Variants in SRCAP observed in about 807,000 individuals in gnomAD.
The protein encoded by SRCAP is chromatin remodeling protein SRCAP.
A neutral mutation model predicts 263.1 loss-of-function variants in SRCAP; 46 were observed. That is an observed-to-expected ratio of 0.17 (90% CI 0.14 to 0.22). SRCAP has a LOEUF of 0.22. SRCAP is among the 10% of genes least tolerant of loss of function. The pLI is 1.00. For synonymous variants in SRCAP, 1,813 were observed against 1,662.1 expected, an observed-to-expected ratio of 1.09 and a Z score of -2.21; for missense variants, 3,695 against 4,181.9, an observed-to-expected ratio of 0.88 and a Z score of 3.21.
Position 30,721,207 on chromosome 16 carries a change from G to T in SRCAP, c.3272G>T (p.Gly1091Val), listed in dbSNP as rs1158705534. 6.2e-7 allele frequency: 1 copy of T among 1,611,046 alleles called. No homozygotes were observed. Among genetic ancestry groups the T allele is most frequent in the African/African-American group, 1.3e-5 (1 of 74,984 alleles). ...SLPQVLPSPL[G>V]VLSGTSRPPT... ...TCTGCAGTGTTGCCATCCCCCCTGG[G>T]GGTCCTGAGTGGGACCTCACGGCCT... Residue 1091 changes from glycine (G) to valine (V), a missense_variant, in exon 21 of 34, where the codon GGG becomes GTG. By Grantham distance (109) the Gly-to-Val change is moderately radical (BLOSUM62 -3). Around this residue, in one of 12 missense-constraint regions of SRCAP, gnomAD observed 1,347 missense variants for 1,304.4 expected, o/e 1.03. Transcript: ENST00000262518.
At chr16:30,720,040 G>A (rs2052994678) in intron 18 of SRCAP, 122 bp from the exon 19 acceptor site, 1 of 1,057,944 alleles carries the variant, frequency 9.5e-7, no homozygotes, top group South Asian at 1.5e-5. Flanking sequence ...GTGAGTACAT[G>A]TGGTATTTGG....
rs1322833131 is a variant in SRCAP at position 30,724,491 on chromosome 16, C to G, written c.5067C>G (p.Pro1689=). Residue 1689 remains proline, a synonymous_variant, in exon 25 of 34, where the codon CCC becomes CCG. Transcript: ENST00000262518. The part of the protein sequence containing the change: ...QTLALAPALA[P]TLGGSSPSQT... ...TGGCCCTAGCCCCAGCTTTAGCACCCACTCTTGGAGGCTCATCTCCATCTC... is the reference window on the plus strand; with the variant it reads ...TGGCCCTAGCCCCAGCTTTAGCACCGACTCTTGGAGGCTCATCTCCATCTC... The G allele has an allele frequency of 1.9e-6, 3 of 1,614,146 alleles. No homozygotes were observed. The South Asian group carries it at 3.3e-5, about 18-fold the overall frequency.
intron 31 of SRCAP, among the ~76,000 whole-genome samples, chr16:30,734,874 G>A (rs922195872): frequency 1.3e-5 from 2 of 152,046 alleles, no homozygotes; most frequent in African/African-American, 4.8e-5. Context: ...AGTTACAATC[G>A]TCACTCTTCT....
intron 25 of SRCAP, among the ~76,000 whole-genome samples, chr16:30,727,713 A>G (rs1000393450): frequency 6.6e-6 from 1 of 152,110 alleles, no homozygotes; most frequent in Non-Finnish European, 1.5e-5. Flanking sequence ...CACCACGCCC[A>G]GCTAACTTTT....
Position 30,711,567 on chromosome 16 carries a change from C to T in SRCAP, c.1319-4C>T. ...CAACCAAAAGCTTTTTGTTTCTCTT[C>T]CAGGTGAGCTTTCCATGGAGGAGCT... On this transcript the variant is annotated splice_polypyrimidine_tract_variant and splice_region_variant and intron_variant, in intron 10 of 33. Transcript: ENST00000262518. 1 of 1,579,902 alleles carries T rather than the reference C, an allele frequency of 6.3e-7. No individual in the cohort carries two copies.
intron 4 of SRCAP, 45 bp downstream of exon 4, chr16:30,704,360 C>T (rs577821859): frequency 3.5e-5 from 54 of 1,535,860 alleles, no homozygotes; most frequent in East Asian, 1.4e-4. Flanking sequence ...AGTTATCTTC[C>T]GTAAACTCCC....
chr16:30,730,867 A>G (rs2053108196), intron 27 of SRCAP, among the ~76,000 whole-genome samples: 1 of 151,370 alleles, frequency 6.6e-6, no homozygotes, highest in Non-Finnish European at 1.5e-5. Flanking sequence ...ACAGGGTTTC[A>G]CCATGTTGGC....
chr16:30,723,593 C>T lies in SRCAP; in HGVS notation c.4169C>T (p.Pro1390Leu), dbSNP rs1287163628. ...TCCTCTCTCTCCACAGCTTCAGCCCCCGGAGCTGCCCCCTTGACCATCTCT... is the reference window on the plus strand; with the variant it reads ...TCCTCTCTCTCCACAGCTTCAGCCCTCGGAGCTGCCCCCTTGACCATCTCT... Reference protein sequence around the residue: ...SPSPEVSASAPGAAPLTISSP... With the variant: ...SPSPEVSASALGAAPLTISSP... The change falls in exon 25 of 34, where the codon CCC becomes CTC. Residue 1390 changes from proline to leucine, a missense_variant. Pro to Leu is a moderately conservative substitution (Grantham distance 98). Around this residue, in one of 12 missense-constraint regions of SRCAP, gnomAD observed 1,347 missense variants for 1,304.4 expected, o/e 1.03. Transcript: ENST00000262518. 20 of 1,612,426 alleles carry T rather than the reference C, an allele frequency of 1.2e-5. No individual in the cohort carries two copies. The highest frequency in any genetic ancestry group is 1.4e-5 in the Non-Finnish European group (17 of 1,179,174).
Position 30,722,723 on chromosome 16 carries a change from C to G in SRCAP, c.3867C>G (p.Leu1289=). 6.2e-7 allele frequency: 1 copy of G among 1,612,754 alleles called. No homozygotes were observed. The highest frequency in any genetic ancestry group is 8.5e-7 in the Non-Finnish European group (1 of 1,179,164). ...TPSTTPAPTG[L]SLPLAANQVP... is the part of the protein sequence containing the mutation. ...GCACCACCCCTGCCCCTACTGGCCT[C>G]AGCCTTCCGCTTGCTGCTAACCAGG... The change falls in exon 23 of 34, where the codon CTC becomes CTG. Residue 1289 remains leucine, a synonymous_variant. Transcript: ENST00000262518.
chr16:30,734,589 A>G lies in SRCAP; in HGVS notation c.6703A>G (p.Ser2235Gly). Residue 2235 changes from serine (S) to glycine (G), a missense_variant, in exon 31 of 34, where the codon AGC becomes GGC. Around this residue, in one of 12 missense-constraint regions of SRCAP, gnomAD observed 53 missense variants for 45.6 expected, o/e 1.16. Transcript: ENST00000262518. ...TGAAGAGGAGGAAGAGACTGTGGCC[A>G]GCAAGCAGACTCATATTCTGGAGCA... ...APEEEEETVA[S>G]KQTHILEQAL... is the part of the protein sequence containing the mutation. The G allele has an allele frequency of 6.2e-7, 1 of 1,614,164 alleles. No individual in the cohort carries two copies. Among genetic ancestry groups the G allele is most frequent in the Non-Finnish European group, 8.5e-7 (1 of 1,180,026 alleles).
chr16:30,711,840 G>C lies in SRCAP; in HGVS notation c.1498G>C (p.Val500Leu). Residue 500 changes from valine to leucine, a missense_variant, in exon 12 of 34, where the codon GTG (valine) becomes CTG (leucine). This residue lies in a region of SRCAP where 288 missense variants were observed against 302.4 expected (regional missense o/e 0.95). Transcript: ENST00000262518. ...QEDSSSQSDS[V>L]EDRSEDEEDE... Reference sequence around the variant, plus strand: ...GCCTTGGTCTTACCCTTTAGACTCTGTGGAGGACCGGAGTGAGGATGAGGA... The same window carrying C: ...GCCTTGGTCTTACCCTTTAGACTCTCTGGAGGACCGGAGTGAGGATGAGGA... 3 of 1,613,912 alleles carry C rather than the reference G, an allele frequency of 1.9e-6. No homozygotes were observed. Among genetic ancestry groups the C allele is most frequent in the Non-Finnish European group, 2.5e-6 (3 of 1,179,966 alleles).
At position 30,707,245 on chromosome 16, in the gene SRCAP, G is replaced by A. The variant is rs1419841987; in HGVS notation, c.369G>A (p.Arg123=). The change falls in exon 5 of 34, where the codon AGG becomes AGA. Residue 123 remains arginine (R), a synonymous_variant. Transcript: ENST00000262518. The stretch of plus-strand genomic sequence containing the variant: ...AGGAGGGTTTCTGGTCACTGAAGAG[G>A]CTGCCTAAGGTGCCAGAGCCCCCTC... ...LRKEGFWSLK[R]LPKVPEPPRP... The A allele has an allele frequency of 6.2e-7, 1 of 1,614,046 alleles. No homozygotes were observed. Among genetic ancestry groups the A allele is most frequent in the South Asian group, 1.1e-5 (1 of 91,086 alleles).
At chr16:30,699,549 G>A (rs1264862273) in intron 1 of SRCAP, among the ~76,000 whole-genome samples, 2 of 152,158 alleles carry the variant, frequency 1.3e-5, no homozygotes, top group African/African-American at 4.8e-5. Context: ...CTTCCCGGGA[G>A]TTCCACTCTC....
At chr16:30,730,639 T>C (rs570149686) in intron 27 of SRCAP, among the ~76,000 whole-genome samples, 168 of 151,284 alleles carry the variant, frequency 1.1e-3, no homozygotes, top group African/African-American at 4.0e-3. Flanking sequence ...ACCATGTTGG[T>C]CAGGCTGGTC....
In SRCAP at chr16:30,724,443, G is replaced by A. The variant is rs202139170; in HGVS notation, c.5019G>A (p.Pro1673=). The part of the protein sequence containing the change: ...MLPAPVPSPL[P]SPASTQTLAL... ...CAGCCCCGGTTCCGTCACCTCTCCCGAGCCCGGCTTCTACGCAGACACTGG... is the reference window on the plus strand; with the variant it reads ...CAGCCCCGGTTCCGTCACCTCTCCCAAGCCCGGCTTCTACGCAGACACTGG... Residue 1673 remains proline (P), a synonymous_variant, in exon 25 of 34, where the codon CCG becomes CCA. Transcript: ENST00000262518. The A allele has an allele frequency of 7.5e-5, 121 of 1,613,982 alleles. No individual in the cohort carries two copies. Among genetic ancestry groups the A allele is most frequent in the Non-Finnish European group, 9.6e-5 (113 of 1,180,022 alleles).
In SRCAP at chr16:30,740,075, C is replaced by CA; in HGVS notation, c.*342_*343insA. On this transcript the variant is annotated 3_prime_UTR_variant, in exon 34 of 34. Transcript: ENST00000262518. ...GGCTTCTCTACAATGAGGTTTTTTT[C>CA]TTTTTTTTTTTTTTTTAAGAAGAAA... 6.8e-6 allele frequency: 1 copy of CA among 147,352 alleles called. No individual in the cohort carries two copies. Among genetic ancestry groups the CA allele is most frequent in the Non-Finnish European group, 1.5e-5 (1 of 68,906 alleles). 9.1% of individuals were successfully genotyped at this position (147,352 alleles called of 1,614,324 possible).
intron 16 of SRCAP, among the ~76,000 whole-genome samples, 194 bp downstream of exon 16, chr16:30,713,905 T>TG (rs1160680045): frequency 2.0e-5 from 3 of 151,262 alleles, no homozygotes; most frequent in Non-Finnish European, 4.4e-5. Context: ...ATTCTGTTTT[T>TG]TTTTTTTTTT....
At chr16:30,734,428 G>C in intron 30 of SRCAP, 68 bp from the exon 31 acceptor site, 1 of 1,600,894 alleles carries the variant, frequency 6.2e-7, no homozygotes, top group South Asian at 1.1e-5. Context: ...AGAACCATCA[G>C]CCTTACAGCT....
intron 27 of SRCAP, among the ~76,000 whole-genome samples, chr16:30,731,122 C>T (rs1178604194): frequency 6.6e-6 from 1 of 152,188 alleles, no homozygotes; most frequent in Non-Finnish European, 1.5e-5. Context: ...GGGGTTGAGA[C>T]AAAACACTCT....
Sources: allele counts gnomAD v4.1 joint callset (sites outside exome capture counted in the v4.1 genomes callset), GRCh38; gene constraint gnomAD v4.1.1; regional missense constraint gnomAD v4.1.1; transcripts MANE v1.5; gene names NCBI Gene and HGNC (gene_info 2026-07-23, HGNC 2026-07-21).